Variants in NEK7 observed in about 807,000 individuals in gnomAD.
NEK7 encodes the protein NIMA related kinase 7.
In NEK7, 18 loss-of-function variants were observed where a neutral mutation model predicts 44.6. The observed-to-expected ratio is 0.40, with a 90% CI of 0.28 to 0.60. The LOEUF is 0.60. NEK7 is among the 20% of genes least tolerant of loss of function. The pLI is 0.38. For synonymous variants in NEK7, 130 were observed against 121.1 expected, an observed-to-expected ratio of 1.07 and a Z score of -0.48; for missense variants, 256 against 366.5, an observed-to-expected ratio of 0.70 and a Z score of 2.46.
At chr1:198,217,737 C>T (rs1187018055) in intron 1 of NEK7, among the ~76,000 whole-genome samples, 2 of 150,918 alleles carry the variant, frequency 1.3e-5, no homozygotes, top group African/African-American at 2.4e-5. Flanking sequence ...AATTAAGTAT[C>T]AGGTTACAAA....
chr1:198,197,702 C>T (rs914085139), intron 1 of NEK7: 3 of 496,326 alleles, frequency 6.0e-6, no homozygotes, highest in South Asian at 1.9e-5. Context: ...CTACTTTCCC[C>T]TGGTACAATA....
intron 1 of NEK7, among the ~76,000 whole-genome samples, chr1:198,159,223 G>C (rs1188175214): frequency 1.3e-5 from 2 of 152,152 alleles, no homozygotes; most frequent in Non-Finnish European, 2.9e-5. Context: ...CCTGGGCTCG[G>C]AGAAGGCCGC....
intron 2 of NEK7, among the ~76,000 whole-genome samples, chr1:198,250,513 C>G (rs1452955891): frequency 7.4e-5 from 11 of 148,868 alleles, no homozygotes; most frequent in African/African-American, 2.5e-4. Context: ...TACCCATGAG[C>G]ATGGAATGTT....
intron 1 of NEK7, among the ~76,000 whole-genome samples, chr1:198,213,649 C>T (rs531133546): frequency 6.6e-6 from 1 of 152,244 alleles, no homozygotes; most frequent in African/African-American, 2.4e-5. Flanking sequence ...ATCTCAATAG[C>T]CAGAATACTG....
intron 9 of NEK7, among the ~76,000 whole-genome samples, chr1:198,308,343 C>A (rs1458364422): frequency 1.3e-5 from 2 of 152,116 alleles, no homozygotes; most frequent in Non-Finnish European, 2.9e-5. Flanking sequence ...GATATGAATG[C>A]AGAATTAAAC....
intron 5 of NEK7, among the ~76,000 whole-genome samples, chr1:198,270,045 C>G (rs1653787198): frequency 6.6e-6 from 1 of 151,906 alleles, no homozygotes; most frequent in Admixed American, 6.6e-5. Flanking sequence ...TCTTATTATA[C>G]TGTTTATTTC....
intron 1 of NEK7, among the ~76,000 whole-genome samples, chr1:198,189,497 C>A (rs538682440): frequency 6.6e-6 from 1 of 152,140 alleles, no homozygotes; most frequent in South Asian, 2.1e-4. Context: ...CATTATTAAT[C>A]CTTCTTTTGG....
At chr1:198,260,643 G>T (rs1358215746) in intron 3 of NEK7, among the ~76,000 whole-genome samples, 1 of 151,986 alleles carries the variant, frequency 6.6e-6, no homozygotes, top group Non-Finnish European at 1.5e-5. Flanking sequence ...AATCTAGTCT[G>T]TCTCTTTTTG....
intron 1 of NEK7, among the ~76,000 whole-genome samples, chr1:198,170,349 G>A (rs1228728196): frequency 6.6e-6 from 1 of 152,128 alleles, no homozygotes; most frequent in Non-Finnish European, 1.5e-5. Context: ...TTAGAGGCTC[G>A]AGCAACAGGG....
chr1:198,206,556 T>C (rs551931173), intron 1 of NEK7, among the ~76,000 whole-genome samples: 1 of 152,258 alleles, frequency 6.6e-6, no homozygotes, highest in South Asian at 2.1e-4. Flanking sequence ...TAAAATGATA[T>C]TTTAGTGACA....
chr1:198,159,755 AC>A (rs1664043255), intron 1 of NEK7, among the ~76,000 whole-genome samples: 1 of 152,150 alleles, frequency 6.6e-6, no homozygotes, highest in African/African-American at 2.4e-5. Flanking sequence ...AACAGCACTT[AC>A]CCAAAGAATG....
At chr1:198,167,686 C>G (rs1195199667) in intron 1 of NEK7, among the ~76,000 whole-genome samples, 1 of 152,164 alleles carries the variant, frequency 6.6e-6, no homozygotes, top group African/African-American at 2.4e-5. Context: ...GGCAAAAGCT[C>G]TTTGCCTTGC....
chr1:198,302,741 A>C (rs1654926178), intron 9 of NEK7, among the ~76,000 whole-genome samples: 1 of 152,128 alleles, frequency 6.6e-6, no homozygotes, highest in African/African-American at 2.4e-5. Context: ...CATTTTCTTT[A>C]ATGCGATTAT....
At position 198,243,707 on chromosome 1, in the gene NEK7, C is replaced by G. The variant is rs529999162; in HGVS notation, c.58-9333C>G. 3.3e-5 allele frequency among the ~76,000 whole-genome samples: 5 copies of G among 152,230 alleles called. No homozygotes were observed. The South Asian group carries it at 1.0e-3, about 32-fold the overall frequency. On this transcript the variant is annotated intron_variant, in intron 2 of 9. Transcript: ENST00000367385. Reference sequence around the variant, plus strand: ...TTCTTACACAATAGTAAAATTTCCTCCTTTGATAAAAGGCCGGTTTTAATG... The same window carrying G: ...TTCTTACACAATAGTAAAATTTCCTGCTTTGATAAAAGGCCGGTTTTAATG...
At chr1:198,237,870 C>G (rs565473976) in intron 2 of NEK7, among the ~76,000 whole-genome samples, 2 of 152,260 alleles carry the variant, frequency 1.3e-5, no homozygotes, top group Non-Finnish European at 2.9e-5. Flanking sequence ...AGTATGTCAA[C>G]CCTGCAATAT....
chr1:198,289,018 A>G (rs1320383653), intron 7 of NEK7, among the ~76,000 whole-genome samples: 2 of 152,178 alleles, frequency 1.3e-5, no homozygotes, highest in Non-Finnish European at 2.9e-5. Flanking sequence ...CTCAGTTAAT[A>G]CTACTAACAA....
At chr1:198,180,964 ATATC>A (rs1042283979) in intron 1 of NEK7, among the ~76,000 whole-genome samples, 7 of 152,054 alleles carry the variant, frequency 4.6e-5, no homozygotes, top group African/African-American at 1.4e-4. Flanking sequence ...TGTAAGAGAG[ATATC>A]TATGTGGAAA....
chr1:198,217,715 A>G (rs192675909), intron 1 of NEK7, among the ~76,000 whole-genome samples: 1 of 152,070 alleles, frequency 6.6e-6, no homozygotes, highest in African/African-American at 2.4e-5. Flanking sequence ...ACACTCCTAG[A>G]TCTAATAAAT....
intron 2 of NEK7, among the ~76,000 whole-genome samples, chr1:198,239,197 A>G (rs1432795489): frequency 6.6e-6 from 1 of 152,164 alleles, no homozygotes; most frequent in Admixed American, 6.5e-5. Context: ...ACATTTTATT[A>G]TATTCCTCGC....
Sources: allele counts gnomAD v4.1 joint callset (sites outside exome capture counted in the v4.1 genomes callset), GRCh38; gene constraint gnomAD v4.1.1; transcripts MANE v1.5; gene names NCBI Gene and HGNC (gene_info 2026-07-23, HGNC 2026-07-21).